The following SRD5A2 variants were observed in gnomAD, a reference collection of about 807,000 sequenced individuals.
SRD5A2 encodes the protein 3-oxo-5-alpha-steroid 4-dehydrogenase 2.
In SRD5A2, 30 loss-of-function variants were observed where a neutral mutation model predicts 27.4. The ratio of observed to expected loss-of-function variants is 1.10; its 90% confidence interval spans 0.82 to 1.49. The LOEUF is 1.49. Among genes scored for constraint, SRD5A2 ranks in the 40% most tolerant of loss-of-function variants. The probability of loss-of-function intolerance (pLI) is 0.00; values close to 1 mark genes in which losing one functional copy is unlikely to be tolerated. For missense variants in SRD5A2, 348 were observed against 323.4 expected, an observed-to-expected ratio of 1.08 and a Z score of -0.58; for synonymous variants, 141 against 133.6, an observed-to-expected ratio of 1.06 and a Z score of -0.38.
the SRD5A2 span, among the ~76,000 whole-genome samples, chr2:31,606,888 CA>C: frequency 6.6e-6 from 1 of 151,878 alleles, no homozygotes; most frequent in African/African-American, 2.4e-5. Flanking sequence ...GGTCTGAGAT[CA>C]ATGTGTCAAA....
chr2:31,544,509 G>A (rs1258265940), intron 1 of SRD5A2, among the ~76,000 whole-genome samples: 2 of 151,812 alleles, frequency 1.3e-5, no homozygotes, highest in African/African-American at 4.8e-5. Context: ...AGATATGAAT[G>A]AAAATGACAA....
At position 31,526,105 on chromosome 2, in the gene SRD5A2, G is replaced by A. The variant is rs192604242; in HGVS notation, c.*91C>T. ...AGGAGACCTACTATTACATATATAC[G>A]GGACTATTATATCATGAAAATTACA... is the stretch of plus-strand genomic sequence containing the variant. On this transcript the variant is annotated 3_prime_UTR_variant, in exon 5 of 5. Coordinates refer to ENST00000622030, the MANE Select transcript of SRD5A2 (RefSeq NM_000348.4). 0.068 allele frequency: 53,914 copies of A among 793,778 alleles called. 3,159 individuals carry two copies. The highest frequency in any genetic ancestry group is 0.11 in the Middle Eastern group (439 of 3,878). 49.2% of individuals were successfully genotyped at this position (793,778 alleles called of 1,614,324 possible).
the SRD5A2 span, among the ~76,000 whole-genome samples, chr2:31,616,709 C>G: frequency 1.3e-5 from 2 of 152,166 alleles, no homozygotes; most frequent in Non-Finnish European, 2.9e-5. Context: ...GTGAAAGGGA[C>G]TTGCCTTGCT....
intron 1 of SRD5A2, among the ~76,000 whole-genome samples, chr2:31,570,578 G>A (rs1249097749): frequency 6.6e-6 from 1 of 152,166 alleles, no homozygotes; most frequent in Non-Finnish European, 1.5e-5. Context: ...AAGAGAAGAG[G>A]TTAAACTATT....
At chr2:31,622,545 T>A in the SRD5A2 span, among the ~76,000 whole-genome samples, 3 of 152,134 alleles carry the variant, frequency 2.0e-5, no homozygotes, top group Admixed American at 6.6e-5. Flanking sequence ...GTTTGTGCAA[T>A]GTGCAGTCGG....
chr2:31,653,486 A>G, the SRD5A2 span, among the ~76,000 whole-genome samples: 4 of 152,152 alleles, frequency 2.6e-5, no homozygotes, highest in African/African-American at 7.2e-5. Context: ...TTTTCTTTAC[A>G]TAAGATTGTT....
At chr2:31,610,501 A>G in the SRD5A2 span, among the ~76,000 whole-genome samples, 5 of 152,174 alleles carry the variant, frequency 3.3e-5, no homozygotes, top group Non-Finnish European at 5.9e-5. Context: ...AACATAATAT[A>G]AGTCATGTAT....
At chr2:31,556,446 T>C (rs946511638) in intron 1 of SRD5A2, among the ~76,000 whole-genome samples, 2 of 152,220 alleles carry the variant, frequency 1.3e-5, no homozygotes, top group African/African-American at 4.8e-5. Context: ...TGGCAAAAGA[T>C]GTGACTACAT....
intron 1 of SRD5A2, among the ~76,000 whole-genome samples, chr2:31,553,575 G>C (rs1363758740): frequency 6.6e-6 from 1 of 152,160 alleles, no homozygotes; most frequent in African/African-American, 2.4e-5. Context: ...AATACCATCA[G>C]ATTTCTCATA....
chr2:31,612,605 C>A, the SRD5A2 span, among the ~76,000 whole-genome samples: 1 of 152,128 alleles, frequency 6.6e-6, no homozygotes, highest in Non-Finnish European at 1.5e-5. Context: ...AAGTAATCTG[C>A]ATATTTAATG....
At chr2:31,580,384 A>T (rs1485022679) in intron 1 of SRD5A2, among the ~76,000 whole-genome samples, 1 of 152,158 alleles carries the variant, frequency 6.6e-6, no homozygotes. Context: ...CTGAGAGCGG[A>T]TGAGGTCCTG....
the SRD5A2 span, among the ~76,000 whole-genome samples, chr2:31,650,253 G>A: frequency 6.6e-6 from 1 of 152,112 alleles, no homozygotes; most frequent in Non-Finnish European, 1.5e-5. Context: ...GTGAGATGGT[G>A]AGATAGGTTT....
In SRD5A2 at chr2:31,522,559, G is replaced by T; in HGVS notation, c.*3637C>A. 5.0e-6 allele frequency: 1 copy of T among 201,468 alleles called. No individual in the cohort carries two copies. Among genetic ancestry groups the T allele is most frequent in the Non-Finnish European group, 1.0e-5 (1 of 97,874 alleles). 12.5% of individuals were successfully genotyped at this position (201,468 alleles called of 1,614,324 possible). ...GCTAAGGTTGATGGGGAGAAATGAG[G>T]CACAATGCAAATAACACAGAACTCT... On this transcript the variant is annotated 3_prime_UTR_variant, in exon 5 of 5. Transcript: ENST00000622030.
intron 4 of SRD5A2, 21 bp downstream of exon 4, chr2:31,529,286 C>A: frequency 6.2e-7 from 1 of 1,613,414 alleles, no homozygotes; most frequent in Non-Finnish European, 8.5e-7. Flanking sequence ...TGAATGCTGC[C>A]GCTTTTATTG....
chr2:31,596,518 G>C, the SRD5A2 span, among the ~76,000 whole-genome samples: 1 of 151,844 alleles, frequency 6.6e-6, no homozygotes, highest in Non-Finnish European at 1.5e-5. Flanking sequence ...AAGAAATAAA[G>C]GGTAACCAAA....
At chr2:31,574,672 A>G (rs572613059) in intron 1 of SRD5A2, among the ~76,000 whole-genome samples, 1 of 152,358 alleles carries the variant, frequency 6.6e-6, no homozygotes, top group African/African-American at 2.4e-5. Flanking sequence ...TTCTCAGAAA[A>G]CAATATTTAC....
intron 1 of SRD5A2, among the ~76,000 whole-genome samples, chr2:31,564,319 A>G (rs1377104272): frequency 2.0e-5 from 3 of 152,012 alleles, no homozygotes; most frequent in Non-Finnish European, 2.9e-5. Flanking sequence ...GTAGAAGAAA[A>G]GATTATGAAC....
At chr2:31,550,824 A>G (rs1572642198) in intron 1 of SRD5A2, among the ~76,000 whole-genome samples, 2 of 152,146 alleles carry the variant, frequency 1.3e-5, no homozygotes, top group East Asian at 1.9e-4. Context: ...TGAACAAGAC[A>G]AAGATGTGCA....
chr2:31,589,429 GCT>G, the SRD5A2 span, among the ~76,000 whole-genome samples: 1 of 152,232 alleles, frequency 6.6e-6, no homozygotes, highest in Non-Finnish European at 1.5e-5. Context: ...AGGAAGGTGT[GCT>G]CTCCCAGGTC....
Sources: gnomAD v4.1 joint callset for allele counts (sites outside exome capture counted in the v4.1 genomes callset) on GRCh38, gnomAD v4.1.1 for gene constraint, MANE v1.5 for transcripts, NCBI Gene and HGNC (gene_info 2026-07-23, HGNC 2026-07-21) for gene names.